Variants in KPNB1 observed in about 807,000 individuals in gnomAD.
The protein encoded by KPNB1 is importin subunit beta-1.
KPNB1 carries 7 observed loss-of-function variants against 113.0 expected under a neutral mutation model. The observed-to-expected ratio is 0.06, with a 90% confidence interval of 0.04 to 0.12. The LOEUF (loss-of-function observed/expected upper bound fraction) is 0.12. KPNB1 is among the 10% of genes least tolerant of loss of function. The pLI, the probability that KPNB1 is intolerant of heterozygous loss-of-function variation, is 1.00. For missense variants in KPNB1, 400 were observed against 1,054.8 expected (o/e 0.38, Z 8.60); for synonymous variants, 363 against 378.6 (o/e 0.96, Z 0.48).
chr17:47,658,760 G>C, intron 5 of KPNB1, 100 bp downstream of exon 5: 6 of 974,208 alleles, frequency 6.2e-6, no homozygotes, highest in Non-Finnish European at 9.1e-6. Flanking sequence ...GGTTTAGAAA[G>C]TACCACCTAC....
chr17:47,675,975 T>G (rs1041010531), intron 15 of KPNB1, among the ~76,000 whole-genome samples: 12 of 152,222 alleles, frequency 7.9e-5, no homozygotes, highest in African/African-American at 2.7e-4. Flanking sequence ...GTGCTGCTTT[T>G]CCTGGCTGTG....
intron 10 of KPNB1, among the ~76,000 whole-genome samples, chr17:47,668,830 T>C (rs772919384): frequency 6.6e-6 from 1 of 152,206 alleles, no homozygotes; most frequent in Non-Finnish European, 1.5e-5. Context: ...TTTTTAATAA[T>C]GGCATTATTA....
At chr17:47,667,132 G>A (rs1232886309) in intron 9 of KPNB1, among the ~76,000 whole-genome samples, 1 of 151,218 alleles carries the variant, frequency 6.6e-6, no homozygotes, top group Non-Finnish European at 1.5e-5. Flanking sequence ...GTTTTTTGGG[G>A]TGGCGTTGGG....
chr17:47,665,298 G>T (rs755094545), intron 9 of KPNB1, 140 bp downstream of exon 9: 17 of 664,580 alleles, frequency 2.6e-5, no homozygotes, highest in Non-Finnish European at 3.7e-5. Context: ...CAGCTAAGCT[G>T]CATCTATAAG....
In KPNB1 at chr17:47,683,730, AAAG is replaced by A. The variant is rs2030865604; in HGVS notation, c.*1327_*1329del. 1 of 488 alleles carries A rather than the reference AAAG, an allele frequency of 2.0e-3. No individual in the cohort carries two copies. The highest frequency in any genetic ancestry group is 0.031 in the Non-Finnish European group (1 of 32). 0.0% of individuals were successfully genotyped at this position (488 alleles called of 1,614,324 possible). ...GCAACCAACAAAACAAAAACAAAAA[AAAG>A]TGTGTGTTGTGTGAATACACACACA... On this transcript the variant is annotated 3_prime_UTR_variant, in exon 22 of 22. Coordinates refer to ENST00000290158, the MANE Select transcript of KPNB1 (RefSeq NM_002265.6).
At chr17:47,664,621 ACT>A (rs1327685568) in intron 8 of KPNB1, among the ~76,000 whole-genome samples, 5 of 152,150 alleles carry the variant, frequency 3.3e-5, no homozygotes, top group Admixed American at 2.0e-4. Flanking sequence ...TACTTTACTA[ACT>A]CTGGTGAAAG....
intron 5 of KPNB1, among the ~76,000 whole-genome samples, chr17:47,659,502 C>A (rs947629775): frequency 3.3e-5 from 5 of 151,942 alleles, no homozygotes; most frequent in South Asian, 4.1e-4. Context: ...CCAGTAATCC[C>A]AACACTTTGG....
In KPNB1 at chr17:47,676,275, G is replaced by C. The variant is rs190876676; in HGVS notation, c.1913-134G>C. On this transcript the variant is annotated intron_variant, in intron 15 of 21. Transcript: ENST00000290158. Reference sequence around the variant, plus strand: ...CCTTTAATGTCTTCATGATGGAATCGGTAACTAAAGCACATTTCACCCAAC... The same window carrying C: ...CCTTTAATGTCTTCATGATGGAATCCGTAACTAAAGCACATTTCACCCAAC... 60 of 662,220 alleles carry C rather than the reference G, an allele frequency of 9.1e-5. No homozygotes were observed. The African/African-American group carries it at 1.1e-3, about 12-fold the overall frequency. The allele number at this position is 662,220 out of a possible 1,614,324, so 41.0% of individuals were successfully genotyped here.
chr17:47,665,902 C>T (rs1315224302), intron 9 of KPNB1, among the ~76,000 whole-genome samples: 2 of 152,168 alleles, frequency 1.3e-5, no homozygotes, highest in African/African-American at 2.4e-5. Context: ...TGCATCATTT[C>T]TTTGTACACA....
intron 6 of KPNB1, among the ~76,000 whole-genome samples, 176 bp downstream of exon 6, chr17:47,661,354 C>T (rs1448084923): frequency 6.6e-6 from 1 of 151,920 alleles, no homozygotes; most frequent in East Asian, 1.9e-4. Flanking sequence ...AATCCCAGCA[C>T]TTAGGGAGGC....
chr17:47,678,519 C>A, intron 19 of KPNB1, 106 bp downstream of exon 19: 1 of 763,578 alleles, frequency 1.3e-6, no homozygotes, highest in Non-Finnish European at 2.3e-6. Context: ...GTGCCTGTTG[C>A]TTAAAAGGCT....
In KPNB1 at chr17:47,678,036, TC is replaced by T; in HGVS notation, c.2104-8del. ...TGACTTAATTCACTTTTCCTTTTGT[TC>T]CTTGTCAGAATGAGAACGTCCACAG... On this transcript the variant is annotated splice_polypyrimidine_tract_variant and intron_variant, in intron 17 of 21. Transcript: ENST00000290158. 1 of 1,609,928 alleles carries T rather than the reference TC, an allele frequency of 6.2e-7. No homozygotes were observed. Among genetic ancestry groups the T allele is most frequent in the Non-Finnish European group, 8.5e-7 (1 of 1,178,702 alleles).
At chr17:47,659,195 A>G (rs1219436758) in intron 5 of KPNB1, among the ~76,000 whole-genome samples, 1 of 152,002 alleles carries the variant, frequency 6.6e-6, no homozygotes, top group East Asian at 1.9e-4. Context: ...AAAAATACAA[A>G]AAAATTAGCC....
chr17:47,679,817 C>A, intron 19 of KPNB1: 2 of 422,616 alleles, frequency 4.7e-6, no homozygotes, highest in Non-Finnish European at 4.4e-6. Context: ...CTACCTCAGC[C>A]TCCTGAGTAG....
At position 47,652,860 on chromosome 17, in the gene KPNB1, G is replaced by T; in HGVS notation, c.266G>T (p.Arg89Leu). Residue 89 changes from arginine to leucine, a missense_variant, in exon 3 of 22, where the codon CGA (arginine) becomes CTA (leucine). Arg to Leu is a moderately radical substitution (Grantham distance 102). Coordinates refer to ENST00000290158, the MANE Select transcript of KPNB1 (RefSeq NM_002265.6). Reference sequence around the variant, plus strand: ...CTTGCTATTGATGCTAATGCTCGACGAGAAGTCAAGAACTATGTGAGTAAC... The same window carrying T: ...CTTGCTATTGATGCTAATGCTCGACTAGAAGTCAAGAACTATGTGAGTAAC... Reference protein sequence around the residue: ...RWLAIDANARREVKNYVLQTL... With the variant: ...RWLAIDANARLEVKNYVLQTL... 1.3e-6 allele frequency: 2 copies of T among 1,595,510 alleles called. No individual in the cohort carries two copies. Among genetic ancestry groups the T allele is most frequent in the South Asian group, 2.3e-5 (2 of 87,732 alleles).
intron 2 of KPNB1, chr17:47,651,212 G>T: frequency 1.0e-6 from 1 of 985,306 alleles, no homozygotes; most frequent in Non-Finnish European, 1.2e-6. Flanking sequence ...GGGGTCCGGA[G>T]AAAATGAAGC....
At chr17:47,666,511 T>TTA (rs1449378361) in intron 9 of KPNB1, among the ~76,000 whole-genome samples, 2 of 139,104 alleles carry the variant, frequency 1.4e-5, no homozygotes, top group African/African-American at 5.2e-5. Context: ...ATGTTATATA[T>TTA]TATATTTTAT....
intron 3 of KPNB1, among the ~76,000 whole-genome samples, chr17:47,656,472 CGTT>C (rs1458373466): frequency 6.6e-6 from 1 of 151,752 alleles, no homozygotes; most frequent in Non-Finnish European, 1.5e-5. Context: ...GCTGCAGTAT[CGTT>C]GTGCCATTGC....
At chr17:47,661,302 T>C in intron 6 of KPNB1, 124 bp downstream of exon 6, 1 of 758,160 alleles carries the variant, frequency 1.3e-6, no homozygotes. Context: ...ATATTGTTAC[T>C]AATAATTAAT....
Sources: allele counts gnomAD v4.1 joint callset (sites outside exome capture counted in the v4.1 genomes callset), GRCh38; gene constraint gnomAD v4.1.1; transcripts MANE v1.5; gene names NCBI Gene and HGNC (gene_info 2026-07-23, HGNC 2026-07-21).